Variants in CDH12 observed in about 807,000 individuals in gnomAD.
CDH12 encodes cadherin-12.
A neutral mutation model predicts 74.1 loss-of-function variants in CDH12; 41 were observed. The observed-to-expected ratio is 0.55, with a 90% CI of 0.43 to 0.72. The LOEUF (loss-of-function observed/expected upper bound fraction) is 0.72, where lower values mean the gene tolerates loss of function less well. CDH12 is among the 30% of genes least tolerant of loss of function. The pLI, the probability that CDH12 is intolerant of heterozygous loss-of-function variation, is 0.00. For synonymous variants in CDH12, 399 were observed against 355.0 expected (o/e 1.12, Z -1.39); for missense variants, 945 against 977.2 (o/e 0.97, Z 0.44).
At chr5:22,824,877 T>TTA (rs960446450) in intron 1 of CDH12, among the ~76,000 whole-genome samples, 19 of 151,688 alleles carry the variant, frequency 1.3e-4, no homozygotes, top group African/African-American at 4.3e-4. Context: ...TGTCCAAAAT[T>TTA]TATATATATA....
At chr5:22,115,286 C>T (rs1745023406) in intron 4 of CDH12, among the ~76,000 whole-genome samples, 2 of 152,144 alleles carry the variant, frequency 1.3e-5, no homozygotes, top group South Asian at 4.1e-4. Context: ...TTATGGAATA[C>T]ATCTTAGTTC....
chr5:22,487,629 G>A (rs1324718087), intron 2 of CDH12, among the ~76,000 whole-genome samples: 2 of 152,174 alleles, frequency 1.3e-5, no homozygotes, highest in African/African-American at 4.8e-5. Context: ...CTGTAAAAAT[G>A]TATGTCAATA....
intron 6 of CDH12, among the ~76,000 whole-genome samples, chr5:21,947,552 T>G (rs1254867625): frequency 2.0e-5 from 3 of 152,206 alleles, no homozygotes; most frequent in African/African-American, 7.2e-5. Flanking sequence ...GAACTTTTAA[T>G]TTGAGAAACA....
At chr5:21,886,058 C>T (rs1173704084) in intron 6 of CDH12, among the ~76,000 whole-genome samples, 1 of 152,062 alleles carries the variant, frequency 6.6e-6, no homozygotes, top group Admixed American at 6.5e-5. Context: ...GGTTAAGCAC[C>T]ATTTTTGTTT....
At chr5:21,880,662 TCTTTCTTTC>T (rs1236038596) in intron 6 of CDH12, among the ~76,000 whole-genome samples, 18 of 139,626 alleles carry the variant, frequency 1.3e-4, no homozygotes, top group Non-Finnish European at 1.9e-4. Flanking sequence ...TTTCTTTCTT[TCTTTCTTTC>T]TTTCTTTCTT....
intron 5 of CDH12, among the ~76,000 whole-genome samples, chr5:22,007,591 T>A (rs1008953856): frequency 3.9e-5 from 6 of 152,004 alleles, no homozygotes; most frequent in Admixed American, 6.6e-5. Flanking sequence ...TCCAGAAAAA[T>A]TATTCCTGTT....
Position 21,751,692 on chromosome 5 carries a change from T to C in CDH12, c.*45A>G. On this transcript the variant is annotated 3_prime_UTR_variant, in exon 15 of 15. Coordinates refer to ENST00000382254, the MANE Select transcript of CDH12 (RefSeq NM_004061.5). ...TAATATTTGTGTTTCTTTTTCTTTT[T>C]TAAAAATCTCCCCTCTCGGTTGTAT... 2 of 1,520,994 alleles carry C rather than the reference T, an allele frequency of 1.3e-6. No homozygotes were observed. Among genetic ancestry groups the C allele is most frequent in the Non-Finnish European group, 1.8e-6 (2 of 1,130,156 alleles). 94.2% of individuals were successfully genotyped at this position (1,520,994 alleles called of 1,614,324 possible).
At chr5:22,800,836 T>C (rs1748472371) in intron 1 of CDH12, among the ~76,000 whole-genome samples, 1 of 152,216 alleles carries the variant, frequency 6.6e-6, no homozygotes, top group Non-Finnish European at 1.5e-5. Context: ...TGTAGCACTT[T>C]ACATTTAGGG....
intron 4 of CDH12, among the ~76,000 whole-genome samples, chr5:22,210,722 T>C (rs909882174): frequency 2.0e-4 from 30 of 152,008 alleles, no homozygotes; most frequent in Non-Finnish European, 3.5e-4. Flanking sequence ...CCACCATCAA[T>C]TCTGAAGTTG....
chr5:22,082,511 T>G (rs1442168505), intron 4 of CDH12, among the ~76,000 whole-genome samples: 1 of 152,218 alleles, frequency 6.6e-6, no homozygotes, highest in Non-Finnish European at 1.5e-5. Flanking sequence ...CAGAAGTATA[T>G]GGTGCAAAAT....
intron 2 of CDH12, among the ~76,000 whole-genome samples, chr5:22,441,769 G>A (rs75239228): frequency 0.043 from 6,489 of 152,026 alleles, 249 homozygotes; most frequent in African/African-American, 0.11. Flanking sequence ...CAGTGGAACC[G>A]TGTTGGCTCA....
intron 1 of CDH12, among the ~76,000 whole-genome samples, chr5:22,512,717 A>G (rs1736662520): frequency 6.6e-6 from 1 of 152,174 alleles, no homozygotes; most frequent in Admixed American, 6.5e-5. Context: ...CAGGAAAGTA[A>G]GGAATGGAAT....
At chr5:22,823,518 A>C (rs1251121892) in intron 1 of CDH12, among the ~76,000 whole-genome samples, 2 of 152,130 alleles carry the variant, frequency 1.3e-5, no homozygotes, top group Non-Finnish European at 2.9e-5. Flanking sequence ...AGTTCATTAA[A>C]CATCTTTCCT....
intron 1 of CDH12, among the ~76,000 whole-genome samples, chr5:22,658,092 A>G (rs912437159): frequency 9.2e-5 from 14 of 152,308 alleles, no homozygotes; most frequent in African/African-American, 3.4e-4. Flanking sequence ...TAGCTTTTGC[A>G]TATGAATCAC....
intron 1 of CDH12, among the ~76,000 whole-genome samples, chr5:22,773,256 C>T (rs958798849): frequency 6.6e-6 from 1 of 152,034 alleles, no homozygotes; most frequent in Non-Finnish European, 1.5e-5. Context: ...TCAAACTATA[C>T]TATAAATGTA....
intron 1 of CDH12, among the ~76,000 whole-genome samples, chr5:22,693,269 T>C (rs1742178115): frequency 6.6e-6 from 1 of 152,226 alleles, no homozygotes; most frequent in Non-Finnish European, 1.5e-5. Context: ...AATTCTCATA[T>C]GGCACCGTAT....
chr5:22,607,725 C>T (rs1737190268), intron 1 of CDH12, among the ~76,000 whole-genome samples: 1 of 152,264 alleles, frequency 6.6e-6, no homozygotes, highest in Middle Eastern at 3.4e-3. Flanking sequence ...GGACCTTCTG[C>T]TGTGTGCAGC....
At chr5:22,068,635 T>C (rs1047692563) in intron 5 of CDH12, among the ~76,000 whole-genome samples, 10 of 152,072 alleles carry the variant, frequency 6.6e-5, no homozygotes, top group African/African-American at 2.4e-4. Flanking sequence ...GGGGAAGAGA[T>C]AAGGTATAGG....
intron 1 of CDH12, among the ~76,000 whole-genome samples, chr5:22,793,754 T>C (rs74520494): frequency 1.5e-4 from 18 of 122,018 alleles, no homozygotes; most frequent in African/African-American, 5.3e-4. Flanking sequence ...TCTTTAACTG[T>C]TTTTTTTTTT....
Sources: gnomAD v4.1 joint callset for allele counts (sites outside exome capture counted in the v4.1 genomes callset) on GRCh38, gnomAD v4.1.1 for gene constraint, MANE v1.5 for transcripts, NCBI Gene and HGNC (gene_info 2026-07-23, HGNC 2026-07-21) for gene names.